DCLK1: variants seen among roughly 807,000 people sequenced by gnomAD.
DCLK1 encodes doublecortin like kinase 1.
In DCLK1, 16 loss-of-function variants were observed where a neutral mutation model predicts 86.2. The observed-to-expected ratio is 0.19, with a 90% CI of 0.13 to 0.28. DCLK1 has a LOEUF of 0.28. Ranked by LOEUF, DCLK1 falls within the 10% of genes least tolerant of loss-of-function variation. The pLI is 1.00. For synonymous variants in DCLK1, 369 were observed against 370.5 expected (o/e 1.00, Z 0.05); for missense variants, 590 against 940.2 (o/e 0.63, Z 4.87).
chr13:35,796,477 A>G (rs1319175078), intron 15 of DCLK1, among the ~76,000 whole-genome samples: 1 of 152,142 alleles, frequency 6.6e-6, no homozygotes, highest in Non-Finnish European at 1.5e-5. Context: ...GCAAAGATGA[A>G]ACAAAGAGGG....
chr13:35,850,886 C>A (rs1870575599), intron 6 of DCLK1: 2 of 889,988 alleles, frequency 2.2e-6, no homozygotes, highest in Non-Finnish European at 3.1e-6. Context: ...TATTATTAGA[C>A]CTTTTCAAGT....
At chr13:36,101,741 A>T (rs1593891230) in intron 3 of DCLK1, among the ~76,000 whole-genome samples, 2 of 149,152 alleles carry the variant, frequency 1.3e-5, no homozygotes, top group Middle Eastern at 3.2e-3. Context: ...TATTTATTTA[A>T]TTTTTTTTTT....
chr13:35,868,147 C>T (rs750845999), intron 5 of DCLK1, among the ~76,000 whole-genome samples: 8 of 151,590 alleles, frequency 5.3e-5, no homozygotes, highest in African/African-American at 1.5e-4. Flanking sequence ...CTCAGCCTCC[C>T]GAGTAGCTGG....
Position 36,050,997 on chromosome 13 carries a change from C to A in DCLK1, c.723+60872G>T, listed in dbSNP as rs574570874. On this transcript the variant is annotated intron_variant, in intron 3 of 16. Transcript: ENST00000360631. ...CAACAAGCCATTCACAACAATGATACATCAGCCAATGAGAAGTGATGCTAC... is the reference window on the plus strand; with the variant it reads ...CAACAAGCCATTCACAACAATGATAAATCAGCCAATGAGAAGTGATGCTAC... Among the ~76,000 whole-genome samples the A allele has an allele frequency of 5.3e-5, 8 of 152,284 alleles. No individual in the cohort carries two copies. In the East Asian group the frequency reaches 1.5e-3, roughly 29 times the overall value.
At chr13:36,034,474 T>C (rs1882412161) in intron 3 of DCLK1, among the ~76,000 whole-genome samples, 1 of 152,208 alleles carries the variant, frequency 6.6e-6, no homozygotes, top group African/African-American at 2.4e-5. Flanking sequence ...TGACGTGCAT[T>C]CCTTTAATGT....
chr13:35,809,520 A>G (rs1346196356), intron 12 of DCLK1, among the ~76,000 whole-genome samples: 2 of 152,112 alleles, frequency 1.3e-5, no homozygotes, highest in Non-Finnish European at 2.9e-5. Context: ...TTTCCTAGCA[A>G]CTCTGTAGGT....
intron 3 of DCLK1, among the ~76,000 whole-genome samples, chr13:35,970,210 G>C (rs752562860): frequency 1.2e-4 from 18 of 152,096 alleles, no homozygotes; most frequent in African/African-American, 4.1e-4. Flanking sequence ...AACAATTAAA[G>C]AATTGTTTTC....
intron 4 of DCLK1, among the ~76,000 whole-genome samples, chr13:35,873,319 G>T (rs763599000): frequency 2.0e-5 from 3 of 151,796 alleles, no homozygotes; most frequent in Non-Finnish European, 4.4e-5. Context: ...AAGTGGATTT[G>T]GTGAGTTCAA....
At chr13:35,831,288 C>T (rs546024846) in intron 8 of DCLK1, among the ~76,000 whole-genome samples, 2 of 152,178 alleles carry the variant, frequency 1.3e-5, no homozygotes, top group Admixed American at 6.5e-5. Context: ...TAATAAAATC[C>T]ATAATAAAAG....
intron 3 of DCLK1, among the ~76,000 whole-genome samples, chr13:35,996,114 A>G (rs1417730826): frequency 6.6e-6 from 1 of 152,080 alleles, no homozygotes. Context: ...TTTTTAGTAG[A>G]GACGGGGCTT....
chr13:35,933,051 G>A (rs1171347443), intron 4 of DCLK1, among the ~76,000 whole-genome samples: 1 of 152,200 alleles, frequency 6.6e-6, no homozygotes, highest in Non-Finnish European at 1.5e-5. Context: ...CCAAATGGGA[G>A]AAATTGGCCA....
At chr13:35,845,018 T>G (rs1158763658) in intron 6 of DCLK1, among the ~76,000 whole-genome samples, 1 of 152,084 alleles carries the variant, frequency 6.6e-6, no homozygotes, top group Non-Finnish European at 1.5e-5. Context: ...GAGGCTGAGG[T>G]GGGTGGATCA....
At chr13:36,074,490 AAAAAAAAAAAAAAAAAAAAAAAAAAAAC>A (rs1566670591) in intron 3 of DCLK1, among the ~76,000 whole-genome samples, 14 of 39,692 alleles carry the variant, frequency 3.5e-4, no homozygotes, top group African/African-American at 1.7e-3. Flanking sequence ...AAAAAAAAAA[AAAAAAAAAAAAAAAAAAAAAAAAAAAAC>A]AGAGAAGACA....
intron 3 of DCLK1, among the ~76,000 whole-genome samples, chr13:36,015,655 G>C (rs141242079): frequency 6.6e-6 from 1 of 152,142 alleles, no homozygotes; most frequent in Non-Finnish European, 1.5e-5. Context: ...CCTGTAAAAG[G>C]CATCAACATC....
intron 3 of DCLK1, among the ~76,000 whole-genome samples, chr13:35,954,932 A>G (rs1023275137): frequency 3.3e-5 from 5 of 152,190 alleles, no homozygotes; most frequent in Admixed American, 3.3e-4. Flanking sequence ...TAGAAAAAGG[A>G]AAAGTTCTCC....
At chr13:35,961,527 A>G (rs1022486754) in intron 3 of DCLK1, among the ~76,000 whole-genome samples, 2 of 152,198 alleles carry the variant, frequency 1.3e-5, no homozygotes, top group Non-Finnish European at 2.9e-5. Flanking sequence ...CCTTCTGTAT[A>G]TTATCCATTT....
chr13:35,979,022 G>T (rs1420791069), intron 3 of DCLK1, among the ~76,000 whole-genome samples: 7 of 152,132 alleles, frequency 4.6e-5, no homozygotes, highest in Admixed American at 1.3e-4. Context: ...TTTAATGGTA[G>T]TTGTCTTTAT....
At chr13:35,972,222 G>A (rs547286074) in intron 3 of DCLK1, among the ~76,000 whole-genome samples, 26 of 152,022 alleles carry the variant, frequency 1.7e-4, no homozygotes, top group Admixed American at 1.5e-3. Context: ...CTTTCAGCAA[G>A]TTCTTTCCTC....
intron 2 of DCLK1, among the ~76,000 whole-genome samples, chr13:36,125,360 C>A (rs927470281): frequency 3.3e-5 from 5 of 152,136 alleles, no homozygotes; most frequent in Non-Finnish European, 4.4e-5. Flanking sequence ...CCTTTCAACT[C>A]TAAAATTTCA....
Sources: allele counts gnomAD v4.1 joint callset (sites outside exome capture counted in the v4.1 genomes callset), GRCh38; gene constraint gnomAD v4.1.1; transcripts MANE v1.5; gene names NCBI Gene and HGNC (gene_info 2026-07-23, HGNC 2026-07-21).